The following EPB41L4B variants were observed in gnomAD, a reference collection of about 807,000 sequenced individuals.
The protein encoded by EPB41L4B is erythrocyte membrane protein band 4.1 like 4B, also known as band 4.1-like protein 4B.
Under a neutral mutation model 112.5 loss-of-function variants are expected in EPB41L4B, and 30 were observed. That is an observed-to-expected ratio of 0.27 (90% confidence interval 0.20 to 0.36). The LOEUF is 0.36. Among genes scored for constraint, EPB41L4B ranks in the 10% least tolerant of loss-of-function variants. The pLI is 1.00. For synonymous variants in EPB41L4B, 408 were observed against 439.7 expected, an observed-to-expected ratio of 0.93 and a Z score of 0.90; for missense variants, 1,024 against 1,133.3, an observed-to-expected ratio of 0.90 and a Z score of 1.38.
At chr9:109,258,374 A>G in intron 6 of EPB41L4B, 77 bp from the exon 7 acceptor site, 1 of 1,520,248 alleles carries the variant, frequency 6.6e-7, no homozygotes, top group South Asian at 1.2e-5. Flanking sequence ...GTCCAAAGGC[A>G]TTTTGCATCA....
intron 15 of EPB41L4B, among the ~76,000 whole-genome samples, chr9:109,220,957 A>G (rs1833553236): frequency 6.6e-6 from 1 of 152,192 alleles, no homozygotes; most frequent in South Asian, 2.1e-4. Context: ...CCTGGGCTCA[A>G]GTCTTAGTTC....
intron 1 of EPB41L4B, among the ~76,000 whole-genome samples, chr9:109,319,680 T>C (rs1837771472): frequency 6.6e-6 from 1 of 152,200 alleles, no homozygotes; most frequent in African/African-American, 2.4e-5. Context: ...CAAGGCCTGA[T>C]GGCGAGTTTG....
rs1834348842 is a variant in EPB41L4B, at chr9:109,241,445, G to A, written c.1409+2173C>T. ...ATCAGAACATCAATATGATTCCTGAGCCTTTACCTTCATTTTAATGAGAAT... is the reference window on the plus strand; with the variant it reads ...ATCAGAACATCAATATGATTCCTGAACCTTTACCTTCATTTTAATGAGAAT... On this transcript the variant is annotated intron_variant, in intron 15 of 25. Transcript: ENST00000374566. 4 of 1,325,742 alleles carry A rather than the reference G, an allele frequency of 3.0e-6. No homozygotes were observed. In the East Asian group the frequency reaches 8.8e-5, roughly 29 times the overall value. 82.1% of individuals were successfully genotyped at this position (1,325,742 alleles called of 1,614,324 possible).
Position 109,195,402 on chromosome 9 carries a change from A to G in EPB41L4B, c.2046-1005T>C, listed in dbSNP as rs539092355. ...CTGAGGGGTCCCTGAGAGGTTTTAGATTATTCTGTGTATGGAGAAGCCTCA... is the reference window on the plus strand; with the variant it reads ...CTGAGGGGTCCCTGAGAGGTTTTAGGTTATTCTGTGTATGGAGAAGCCTCA... On this transcript the variant is annotated intron_variant, in intron 20 of 25. Transcript: ENST00000374566. 9.7e-4 allele frequency among the ~76,000 whole-genome samples: 147 copies of G among 152,264 alleles called. 1 individual carries two copies. Among genetic ancestry groups the G allele is most frequent in the African/African-American group, 3.4e-3 (142 of 41,552 alleles).
chr9:109,308,104 C>T (rs1837283916), intron 1 of EPB41L4B, among the ~76,000 whole-genome samples: 1 of 152,148 alleles, frequency 6.6e-6, no homozygotes, highest in South Asian at 2.1e-4. Flanking sequence ...ATTCCCTTCT[C>T]ATTGATTCTG....
chr9:109,196,394 T>A (rs1030937024), intron 20 of EPB41L4B: 10 of 152,128 alleles, frequency 6.6e-5, no homozygotes, highest in African/African-American at 2.4e-4. Flanking sequence ...AGCTCATGAT[T>A]TTCTAAACAT....
chr9:109,251,435 G>A (rs769668276), intron 13 of EPB41L4B, 46 bp downstream of exon 13: 10 of 1,571,940 alleles, frequency 6.4e-6, no homozygotes, highest in East Asian at 2.2e-5. Context: ...AAATAAATAC[G>A]ATCCTTAGAG....
intron 18 of EPB41L4B, among the ~76,000 whole-genome samples, chr9:109,207,631 C>T (rs1833030265): frequency 6.6e-6 from 1 of 151,964 alleles, no homozygotes. Context: ...TTCATGAGCC[C>T]CCACCCCAAT....
rs1432808896 is a variant in EPB41L4B at position 109,173,204 on chromosome 9, T to C, written c.*1350A>G. 6.6e-6 allele frequency: 1 copy of C among 152,590 alleles called. No individual in the cohort carries two copies. Among genetic ancestry groups the C allele is most frequent in the Non-Finnish European group, 1.5e-5 (1 of 68,050 alleles). 9.5% of individuals were successfully genotyped at this position (152,590 alleles called of 1,614,324 possible). On this transcript the variant is annotated 3_prime_UTR_variant, in exon 26 of 26. Coordinates refer to ENST00000374566, the MANE Select transcript of EPB41L4B (RefSeq NM_019114.5). The stretch of plus-strand genomic sequence containing the variant: ...AAATGCTTATACATTGCTGGTGGCA[T>C]CATAAATTGTCGAGGGGATTCAAGC...
intron 1 of EPB41L4B, among the ~76,000 whole-genome samples, chr9:109,282,386 A>G (rs1211737123): frequency 6.6e-6 from 1 of 152,242 alleles, no homozygotes; most frequent in Admixed American, 6.5e-5. Flanking sequence ...TTGGATAGGC[A>G]AACTGTATGA....
rs556934459 is a variant in EPB41L4B at position 109,217,049 on chromosome 9, T to C, written c.1506A>G (p.Gly502=). The change falls in exon 16 of 26, where the codon GGA becomes GGG. Residue 502 remains glycine, a synonymous_variant. Coordinates refer to ENST00000374566, the MANE Select transcript of EPB41L4B (RefSeq NM_019114.5). ...GGTPFLTAAS[G]RHHHQHQHQH... Reference sequence around the variant, plus strand: ...GATGCTGGTGCTGGTGGTGATGCCTTCCTGAAGCTGCGGTGAGGAACGGTG... The same window carrying C: ...GATGCTGGTGCTGGTGGTGATGCCTCCCTGAAGCTGCGGTGAGGAACGGTG... 2 of 1,614,210 alleles carry C rather than the reference T, an allele frequency of 1.2e-6. No homozygotes were observed. The highest frequency in any genetic ancestry group is 2.2e-5 in the East Asian group (1 of 44,880).
rs902669156 is a variant in EPB41L4B at position 109,318,208 on chromosome 9, C to A, written c.306+1933G>T. 3.3e-5 allele frequency among the ~76,000 whole-genome samples: 5 copies of A among 152,076 alleles called. 1 individual carries two copies. Among genetic ancestry groups the A allele is most frequent in the Admixed American group, 2.0e-4 (3 of 15,284 alleles). On this transcript the variant is annotated intron_variant, in intron 1 of 25. Transcript: ENST00000374566. ...ACGCGCATAAATACAATGTGGGCTT[C>A]ACTAAGTCACATCATAGAGGAATCA...
intron 1 of EPB41L4B, among the ~76,000 whole-genome samples, chr9:109,290,667 T>G (rs1198564127): frequency 2.7e-5 from 4 of 150,938 alleles, no homozygotes; most frequent in African/African-American, 9.8e-5. Flanking sequence ...TGCTCTCCCC[T>G]CAATAACTTG....
intron 2 of EPB41L4B, among the ~76,000 whole-genome samples, chr9:109,273,970 C>T (rs1013331098): frequency 6.6e-6 from 1 of 152,116 alleles, no homozygotes; most frequent in African/African-American, 2.4e-5. Context: ...GACATTCTGA[C>T]CAATCATTAA....
chr9:109,254,777 T>C (rs560921512), intron 11 of EPB41L4B, among the ~76,000 whole-genome samples: 3 of 152,338 alleles, frequency 2.0e-5, no homozygotes, highest in African/African-American at 7.2e-5. Flanking sequence ...AGCAAAAATA[T>C]ATCAGAATAA....
intron 15 of EPB41L4B, among the ~76,000 whole-genome samples, chr9:109,218,878 G>C (rs374633443): frequency 6.6e-5 from 10 of 152,012 alleles, no homozygotes; most frequent in African/African-American, 2.4e-4. Context: ...CCATGGTTCA[G>C]ATCTCTACTG....
At chr9:109,176,887 A>C (rs1472918771) in intron 24 of EPB41L4B, among the ~76,000 whole-genome samples, 191 bp from the exon 25 acceptor site, 1 of 152,174 alleles carries the variant, frequency 6.6e-6, no homozygotes, top group Non-Finnish European at 1.5e-5. Flanking sequence ...AACTCTTGAC[A>C]ACCCTTTAAG....
At chr9:109,233,769 C>T (rs1834038055) in intron 15 of EPB41L4B, among the ~76,000 whole-genome samples, 1 of 152,010 alleles carries the variant, frequency 6.6e-6, no homozygotes, top group African/African-American at 2.4e-5. Context: ...TGACCTCAGG[C>T]GATCCACCAA....
intron 16 of EPB41L4B, among the ~76,000 whole-genome samples, chr9:109,215,968 T>C (rs1034554044): frequency 3.3e-5 from 5 of 152,106 alleles, no homozygotes; most frequent in African/African-American, 1.2e-4. Context: ...TAAAATAAAA[T>C]AATAAAATTT....
Sources: gnomAD v4.1 joint callset for allele counts (sites outside exome capture counted in the v4.1 genomes callset) on GRCh38, gnomAD v4.1.1 for gene constraint, MANE v1.5 for transcripts, NCBI Gene and HGNC (gene_info 2026-07-23, HGNC 2026-07-21) for gene names.